LINGO2: variants seen among roughly 807,000 people sequenced by gnomAD.
The protein encoded by LINGO2 is leucine-rich repeat and immunoglobulin-like domain-containing nogo receptor-interacting protein 2.
In LINGO2, 14 loss-of-function variants were observed where a neutral mutation model predicts 30.6. The observed-to-expected ratio is 0.46, with a 90% CI of 0.30 to 0.72. LINGO2 has a LOEUF of 0.72. LINGO2 is among the 30% of genes least tolerant of loss of function. LINGO2 has a pLI of 0.07. For synonymous variants in LINGO2, 317 were observed against 288.5 expected (o/e 1.10, Z -1.00); for missense variants, 729 against 751.7 (o/e 0.97, Z 0.35).
At chr9:27,997,933 G>T (rs1197967242) in intron 5 of LINGO2, among the ~76,000 whole-genome samples, 1 of 148,112 alleles carries the variant, frequency 6.8e-6, no homozygotes, top group Non-Finnish European at 1.5e-5. Context: ...TTCAGGAAGG[G>T]GATTCACATG....
At chr9:28,782,191 G>A in the LINGO2 span, among the ~76,000 whole-genome samples, 1 of 152,132 alleles carries the variant, frequency 6.6e-6, no homozygotes, top group African/African-American at 2.4e-5. Flanking sequence ...TATTTTAGTT[G>A]TGAATTCTGA....
the LINGO2 span, among the ~76,000 whole-genome samples, chr9:29,092,415 G>C: frequency 1.3e-5 from 2 of 151,906 alleles, no homozygotes; most frequent in Admixed American, 6.6e-5. Context: ...AAAGGTTGTA[G>C]ACATAAACCA....
At chr9:28,328,691 T>C (rs1825315214) in intron 3 of LINGO2, among the ~76,000 whole-genome samples, 1 of 152,156 alleles carries the variant, frequency 6.6e-6, no homozygotes, top group African/African-American at 2.4e-5. Flanking sequence ...GTGCCAAATT[T>C]CCTTAATTTT....
chr9:29,098,689 T>C, the LINGO2 span, among the ~76,000 whole-genome samples: 1 of 152,160 alleles, frequency 6.6e-6, no homozygotes, highest in East Asian at 1.9e-4. Context: ...TAAGAACTTA[T>C]AATTCATGAT....
downstream of LINGO2, among the ~76,000 whole-genome samples, chr9:27,944,833 C>T (rs1192682994): frequency 1.3e-5 from 2 of 151,976 alleles, no homozygotes; most frequent in African/African-American, 4.8e-5. Context: ...TGGGATAGCT[C>T]ATGTGAGATA....
At chr9:28,706,166 A>G in the LINGO2 span, among the ~76,000 whole-genome samples, 83 of 152,238 alleles carry the variant, frequency 5.5e-4, no homozygotes, top group South Asian at 8.3e-3. Flanking sequence ...TAAACTCTCT[A>G]TATGACAATC....
chr9:27,984,418 T>C (rs973311457), intron 5 of LINGO2, among the ~76,000 whole-genome samples: 4 of 151,838 alleles, frequency 2.6e-5, no homozygotes, highest in African/African-American at 9.7e-5. Flanking sequence ...TATCAGCAAA[T>C]GGAATTGGGT....
At chr9:28,688,231 C>T in the LINGO2 span, among the ~76,000 whole-genome samples, 1 of 152,166 alleles carries the variant, frequency 6.6e-6, no homozygotes, top group Non-Finnish European at 1.5e-5. Context: ...TAAGGATTCT[C>T]TTTATGATCT....
intron 4 of LINGO2, among the ~76,000 whole-genome samples, chr9:28,144,520 G>C (rs1001703297): frequency 6.6e-6 from 1 of 152,184 alleles, no homozygotes; most frequent in Admixed American, 6.5e-5. Context: ...CATAATTCCA[G>C]GGTTAAGAGT....
At chr9:28,024,938 C>T (rs1044729569) in intron 4 of LINGO2, among the ~76,000 whole-genome samples, 11 of 152,202 alleles carry the variant, frequency 7.2e-5, no homozygotes, top group Admixed American at 2.0e-4. Flanking sequence ...GATTCTGGCA[C>T]TGCACCAGTA....
chr9:28,164,555 G>A (rs1291597572), intron 4 of LINGO2, among the ~76,000 whole-genome samples: 1 of 152,094 alleles, frequency 6.6e-6, no homozygotes, highest in Non-Finnish European at 1.5e-5. Flanking sequence ...CCCATCTATG[G>A]TCAAAGATGA....
At chr9:28,425,587 T>C (rs1823376500) in intron 2 of LINGO2, among the ~76,000 whole-genome samples, 2 of 152,058 alleles carry the variant, frequency 1.3e-5, no homozygotes, top group South Asian at 4.1e-4. Flanking sequence ...CTTGCGACTG[T>C]GTTGATAAGG....
At chr9:28,740,958 T>C in the LINGO2 span, among the ~76,000 whole-genome samples, 1 of 151,816 alleles carries the variant, frequency 6.6e-6, no homozygotes, top group South Asian at 2.1e-4. Context: ...CTGGAATGGG[T>C]TGTGACCTTG....
At chr9:29,145,855 A>G in the LINGO2 span, among the ~76,000 whole-genome samples, 1 of 152,220 alleles carries the variant, frequency 6.6e-6, no homozygotes, top group African/African-American at 2.4e-5. Flanking sequence ...ATTGCATATT[A>G]TAGAAGAATC....
the LINGO2 span, among the ~76,000 whole-genome samples, chr9:28,873,042 A>G: frequency 1.3e-5 from 2 of 152,096 alleles, no homozygotes; most frequent in Non-Finnish European, 2.9e-5. Flanking sequence ...TCTTTTGTTT[A>G]CTTTTATCAC....
intron 4 of LINGO2, among the ~76,000 whole-genome samples, chr9:28,072,190 T>A (rs536975571): frequency 2.0e-5 from 3 of 152,206 alleles, no homozygotes; most frequent in Admixed American, 2.0e-4. Context: ...AACATGTGTA[T>A]GAACTGGCAC....
the LINGO2 span, chr9:28,863,751 C>A: frequency 2.3e-6 from 1 of 428,310 alleles, no homozygotes; most frequent in South Asian, 1.7e-5. Flanking sequence ...AAAAACAGTA[C>A]CCTTTGGCCA....
At chr9:28,890,180 A>G in the LINGO2 span, among the ~76,000 whole-genome samples, 1 of 133,910 alleles carries the variant, frequency 7.5e-6, no homozygotes, top group East Asian at 2.2e-4. Context: ...GAAATTAACT[A>G]CAGGTTTTCT....
intron 2 of LINGO2, among the ~76,000 whole-genome samples, chr9:28,473,603 T>G (rs1329648452): frequency 6.6e-6 from 1 of 152,086 alleles, no homozygotes; most frequent in Non-Finnish European, 1.5e-5. Context: ...TAATCACTTT[T>G]TCTGTAGATG....
Sources: gnomAD v4.1 joint callset for allele counts (sites outside exome capture counted in the v4.1 genomes callset) on GRCh38, gnomAD v4.1.1 for gene constraint, MANE v1.5 for transcripts, NCBI Gene and HGNC (gene_info 2026-07-23, HGNC 2026-07-21) for gene names.